The following MAPRE2 variants were observed in gnomAD, a reference collection of about 807,000 sequenced individuals.
MAPRE2 encodes microtubule-associated protein RP/EB family member 2.
In MAPRE2, 13 loss-of-function variants were observed where a neutral mutation model predicts 43.2. The ratio of observed to expected loss-of-function variants is 0.30; its 90% CI spans 0.20 to 0.48. MAPRE2 has a LOEUF of 0.48. Among genes scored for constraint, MAPRE2 ranks in the 20% least tolerant of loss-of-function variants. The pLI is 0.99. For missense variants in MAPRE2, 161 were observed against 400.2 expected, an observed-to-expected ratio of 0.40 and a Z score of 5.10; for synonymous variants, 135 against 148.8, an observed-to-expected ratio of 0.91 and a Z score of 0.68.
intron 2 of MAPRE2, among the ~76,000 whole-genome samples, chr18:35,083,979 A>G (rs191982298): frequency 1.3e-5 from 2 of 152,342 alleles, no homozygotes; most frequent in Admixed American, 1.3e-4. Flanking sequence ...TTTAAAATCA[A>G]TTTGTTACAG....
intron 1 of MAPRE2, among the ~76,000 whole-genome samples, chr18:34,994,253 A>G (rs1786589): frequency 0.013 from 1,943 of 152,226 alleles, 29 homozygotes; most frequent in African/African-American, 0.029. Context: ...AAGGAAATAA[A>G]GATATTAAGC....
At position 34,998,323 on chromosome 18, in the gene MAPRE2, C is replaced by CT. The variant is rs11339291; in HGVS notation, c.-69-7148dup. Among the ~76,000 whole-genome samples the CT allele has an allele frequency of 7.5e-3, 907 of 120,674 alleles. 8 individuals are homozygous for CT. Among genetic ancestry groups the CT allele is most frequent in the Middle Eastern group, 0.013 (3 of 240 alleles). 79.2% of individuals were successfully genotyped at this position (120,674 alleles called of 152,430 possible). ...TTCACTTACCAGCATTTTTCTCTCT[C>CT]TTTTTTTTTTTTTTTTTTTTTGAGA... is the stretch of plus-strand genomic sequence containing the variant. On this transcript the variant is annotated intron_variant, in intron 1 of 7. Transcript: ENST00000413393.
chr18:34,999,993 G>A (rs917267613), intron 1 of MAPRE2, among the ~76,000 whole-genome samples: 3 of 152,002 alleles, frequency 2.0e-5, no homozygotes, highest in African/African-American at 4.8e-5. Context: ...TTAATATCTA[G>A]TAGGCTCCAC....
At chr18:35,070,115 G>A in intron 1 of MAPRE2, 80 bp from the exon 2 acceptor site, 1 of 1,313,964 alleles carries the variant, frequency 7.6e-7, no homozygotes, top group East Asian at 2.5e-5. Context: ...AGTCCTGCCA[G>A]GATCTTGACC....
chr18:35,030,467 T>C (rs1198351540), intron 2 of MAPRE2, among the ~76,000 whole-genome samples: 1 of 152,206 alleles, frequency 6.6e-6, no homozygotes, highest in Non-Finnish European at 1.5e-5. Flanking sequence ...GCAAGTGTGT[T>C]TGTGCTCAGC....
intron 2 of MAPRE2, among the ~76,000 whole-genome samples, chr18:35,081,785 G>A (rs530832667): frequency 7.2e-5 from 11 of 152,064 alleles, no homozygotes; most frequent in Admixed American, 3.3e-4. Context: ...GACGTGGACC[G>A]TGGGTTTGCG....
intron 2 of MAPRE2, among the ~76,000 whole-genome samples, chr18:35,033,712 A>T (rs1449154778): frequency 6.6e-6 from 1 of 151,312 alleles, no homozygotes; most frequent in East Asian, 1.9e-4. Context: ...ATTCTTATAC[A>T]CTAATAACAG....
chr18:35,123,192 A>G (rs966944239), intron 4 of MAPRE2, among the ~76,000 whole-genome samples: 6 of 152,068 alleles, frequency 3.9e-5, no homozygotes, highest in Non-Finnish European at 8.8e-5. Flanking sequence ...CATCTTATCA[A>G]ACATTTCAGT....
intron 4 of MAPRE2, among the ~76,000 whole-genome samples, chr18:35,108,368 T>C (rs1202951005): frequency 1.3e-5 from 2 of 152,220 alleles, no homozygotes; most frequent in Non-Finnish European, 2.9e-5. Flanking sequence ...ATCCAGTCTG[T>C]CATTGATGGG....
At chr18:35,006,531 T>C (rs2150581097) in intron 2 of MAPRE2, among the ~76,000 whole-genome samples, 1 of 152,352 alleles carries the variant, frequency 6.6e-6, no homozygotes, top group East Asian at 1.9e-4. Flanking sequence ...TGACTGGTGG[T>C]CACTTTTTAA....
upstream of MAPRE2, among the ~76,000 whole-genome samples, chr18:35,036,865 A>G (rs1448256620): frequency 6.6e-6 from 1 of 152,250 alleles, no homozygotes; most frequent in Non-Finnish European, 1.5e-5. Context: ...AACTGCAGAT[A>G]GAGCGGTGAA....
chr18:35,096,738 TTAATAAGTATAAGTAATAGG>T (rs1944030982), intron 2 of MAPRE2, among the ~76,000 whole-genome samples: 2 of 151,694 alleles, frequency 1.3e-5, no homozygotes, highest in Admixed American at 1.3e-4. Flanking sequence ...TACTTAATAA[TTAATAAGTATAAGTAATAGG>T]TAATAAGTAT....
chr18:35,128,003 C>G (rs1241353730), intron 5 of MAPRE2, among the ~76,000 whole-genome samples: 1 of 152,182 alleles, frequency 6.6e-6, no homozygotes, highest in Non-Finnish European at 1.5e-5. Flanking sequence ...CTTCAGGGCC[C>G]CAGGCTGTTC....
rs193179193 is a variant in MAPRE2 at position 35,084,877 on chromosome 18, T to C, written c.251-12569T>C. Among the ~76,000 whole-genome samples the C allele has an allele frequency of 9.2e-4, 140 of 152,350 alleles. 1 individual carries two copies. The highest frequency in any genetic ancestry group is 1.7e-3 in the Non-Finnish European group (116 of 68,034). ...AGTTGAAACCGGATTTCTGAACTCT[T>C]GATCTTTATTTTGGCATTTGTGGCT... On this transcript the variant is annotated intron_variant, in intron 2 of 6. Coordinates refer to ENST00000300249, the MANE Select transcript of MAPRE2 (RefSeq NM_014268.4).
intron 1 of MAPRE2, among the ~76,000 whole-genome samples, chr18:34,987,994 A>G (rs184482434): frequency 2.6e-4 from 40 of 152,230 alleles, no homozygotes; most frequent in African/African-American, 8.7e-4. Context: ...AGGCTAATAT[A>G]TAATTCTGGA....
At chr18:35,017,878 G>A (rs530209204) in intron 2 of MAPRE2, among the ~76,000 whole-genome samples, 1 of 151,714 alleles carries the variant, frequency 6.6e-6, no homozygotes, top group South Asian at 2.1e-4. Flanking sequence ...GGAGGGATGA[G>A]AGTGGGCATC....
chr18:35,100,119 ACT>A (rs1368303899), intron 3 of MAPRE2, among the ~76,000 whole-genome samples: 3 of 152,108 alleles, frequency 2.0e-5, no homozygotes, highest in Admixed American at 6.5e-5. Flanking sequence ...ACATTCACAC[ACT>A]CACACACACA....
intron 5 of MAPRE2, chr18:35,127,296 A>T (rs1312144969): frequency 1.9e-6 from 1 of 538,140 alleles, no homozygotes; most frequent in African/African-American, 1.9e-5. Context: ...AAAGCTGTAC[A>T]TTAAGATGGG....
intron 2 of MAPRE2, among the ~76,000 whole-genome samples, chr18:35,020,194 C>A (rs1170926464): frequency 6.6e-6 from 1 of 152,062 alleles, no homozygotes; most frequent in Non-Finnish European, 1.5e-5. Context: ...TAACATCAAA[C>A]TACAGAAGGA....
Sources: gnomAD v4.1 joint callset for allele counts (sites outside exome capture counted in the v4.1 genomes callset) on GRCh38, gnomAD v4.1.1 for gene constraint, MANE v1.5 for transcripts, NCBI Gene and HGNC (gene_info 2026-07-23, HGNC 2026-07-21) for gene names.